Variants in CNTN4 observed in about 807,000 individuals in gnomAD.
The protein encoded by CNTN4 is contactin 4.
CNTN4 carries 77 observed loss-of-function variants against 122.5 expected under a neutral mutation model. That is an observed-to-expected ratio of 0.63 (90% CI 0.52 to 0.76). CNTN4 has a LOEUF of 0.76. Ranked by LOEUF, CNTN4 falls within the 30% of genes least tolerant of loss-of-function variation. The pLI, the probability that CNTN4 is intolerant of heterozygous loss-of-function variation, is 0.00. For synonymous variants in CNTN4, 512 were observed against 447.0 expected, an observed-to-expected ratio of 1.15 and a Z score of -1.83; for missense variants, 1,256 against 1,259.1, an observed-to-expected ratio of 1.00 and a Z score of 0.04.
intron 4 of CNTN4, among the ~76,000 whole-genome samples, chr3:2,573,214 T>C (rs1328186884): frequency 1.3e-5 from 2 of 152,220 alleles, no homozygotes; most frequent in African/African-American, 4.8e-5. Context: ...TTGTTTTCAT[T>C]CTTCCTATGT....
chr3:2,408,425 G>T (rs2151015732), intron 3 of CNTN4, among the ~76,000 whole-genome samples: 1 of 152,210 alleles, frequency 6.6e-6, no homozygotes, highest in Non-Finnish European at 1.5e-5. Flanking sequence ...AGTGGTAAGA[G>T]GTACAATTTA....
At chr3:2,330,605 T>C (rs1292095434) in intron 2 of CNTN4, among the ~76,000 whole-genome samples, 1 of 41,024 alleles carries the variant, frequency 2.4e-5, no homozygotes, top group Non-Finnish European at 8.2e-5. Flanking sequence ...ATCTTAATTT[T>C]ATAAGGGAGG....
intron 3 of CNTN4, among the ~76,000 whole-genome samples, chr3:2,496,480 T>C (rs2151708612): frequency 6.6e-6 from 1 of 152,236 alleles, no homozygotes; most frequent in East Asian, 1.9e-4. Context: ...AAATATGACA[T>C]AGATTTGTTG....
chr3:3,031,552 T>A (rs1699163354), intron 16 of CNTN4, among the ~76,000 whole-genome samples: 1 of 150,038 alleles, frequency 6.7e-6, no homozygotes. Flanking sequence ...TTGAATATTA[T>A]CAGCATGACC....
chr3:2,674,573 A>G (rs1473296181), intron 4 of CNTN4, among the ~76,000 whole-genome samples: 1 of 152,196 alleles, frequency 6.6e-6, no homozygotes, highest in Non-Finnish European at 1.5e-5. Flanking sequence ...CCTAGCCAAC[A>G]TGGTGAAATC....
chr3:2,516,475 C>T (rs2077042452), intron 3 of CNTN4, among the ~76,000 whole-genome samples: 1 of 151,864 alleles, frequency 6.6e-6, no homozygotes, highest in South Asian at 2.1e-4. Context: ...TAATCTAGTA[C>T]CTCTGTTGAC....
At chr3:2,625,751 T>G (rs1476530160) in intron 4 of CNTN4, among the ~76,000 whole-genome samples, 3 of 152,250 alleles carry the variant, frequency 2.0e-5, no homozygotes, top group Admixed American at 1.3e-4. Context: ...ATCCTCTCTT[T>G]TTTTGCTATT....
intron 3 of CNTN4, among the ~76,000 whole-genome samples, chr3:2,381,279 TA>T (rs2046012351): frequency 6.6e-6 from 1 of 152,220 alleles, no homozygotes; most frequent in African/African-American, 2.4e-5. Flanking sequence ...GTGCTGGGAT[TA>T]CAGGCGTGAG....
intron 6 of CNTN4, among the ~76,000 whole-genome samples, chr3:2,792,003 A>G (rs970824): frequency 6.6e-6 from 1 of 152,150 alleles, no homozygotes; most frequent in Non-Finnish European, 1.5e-5. Flanking sequence ...AGATGGGTTG[A>G]TAGGTGCAGC....
rs139672896 is a variant in CNTN4, at chr3:2,558,354, C to A, written c.-88-13062C>A. On this transcript the variant is annotated intron_variant, in intron 3 of 24. Transcript: ENST00000418658. The stretch of plus-strand genomic sequence containing the variant: ...GCATTGTTTATAGCATTCATTTCTT[C>A]TTACTCTTCTTGAGTCTGTGCCAGT... 2.2e-3 allele frequency among the ~76,000 whole-genome samples: 338 copies of A among 152,284 alleles called. 2 individuals carry two copies. Among genetic ancestry groups the A allele is most frequent in the African/African-American group, 7.7e-3 (318 of 41,556 alleles).
In CNTN4 at chr3:2,881,384, G is replaced by A. The variant is rs149869825; in HGVS notation, c.653-1761G>A. Among the ~76,000 whole-genome samples, 22 of 152,202 alleles carry A rather than the reference G, an allele frequency of 1.4e-4. No individual in the cohort carries two copies. The East Asian group carries it at 2.1e-3, about 15-fold the overall frequency. On this transcript the variant is annotated intron_variant, in intron 8 of 24. Transcript: ENST00000418658. ...AAAAAGTAGCCATGCATGGTGGCACGTGCCTGTAGTCCCAGCTACTTGGGA... is the reference window on the plus strand; with the variant it reads ...AAAAAGTAGCCATGCATGGTGGCACATGCCTGTAGTCCCAGCTACTTGGGA...
At chr3:2,402,521 C>T (rs79215776) in intron 3 of CNTN4, among the ~76,000 whole-genome samples, 103 of 152,168 alleles carry the variant, frequency 6.8e-4, no homozygotes, top group African/African-American at 2.4e-3. Context: ...TATTCATCAC[C>T]TCAATTTCCT....
chr3:2,141,902 G>A (rs2035014787), intron 2 of CNTN4, among the ~76,000 whole-genome samples: 1 of 152,138 alleles, frequency 6.6e-6, no homozygotes, highest in Admixed American at 6.5e-5. Context: ...CAGTAATAAA[G>A]ATTGAAATGC....
chr3:2,710,459 T>A (rs527661925), intron 4 of CNTN4, among the ~76,000 whole-genome samples: 1 of 152,296 alleles, frequency 6.6e-6, no homozygotes, highest in Non-Finnish European at 1.5e-5. Context: ...GCAATTTCCT[T>A]TTCCTGAAAG....
At chr3:2,118,646 G>T (rs950287366) in intron 2 of CNTN4, among the ~76,000 whole-genome samples, 2 of 152,192 alleles carry the variant, frequency 1.3e-5, no homozygotes, top group East Asian at 1.9e-4. Flanking sequence ...CTACCGATAG[G>T]CTTCCAAATG....
intron 7 of CNTN4, among the ~76,000 whole-genome samples, chr3:2,839,089 G>A (rs965194712): frequency 6.6e-6 from 1 of 152,178 alleles, no homozygotes; most frequent in East Asian, 1.9e-4. Context: ...AAAAAATCTT[G>A]ACATACACCT....
intron 23 of CNTN4, among the ~76,000 whole-genome samples, chr3:3,051,916 T>C (rs902994662): frequency 6.6e-6 from 1 of 152,200 alleles, no homozygotes; most frequent in Admixed American, 6.5e-5. Context: ...AATCTCGTGC[T>C]TCTCAACGCA....
In CNTN4 at chr3:2,823,137, G is replaced by A. The variant is rs79953288; in HGVS notation, c.454+3556G>A. ...GCAGTGATTCTCTCACTGTTTTTCC[G>A]GGCTGTGTGTCACCCTAAAGCGAGA... On this transcript the variant is annotated intron_variant, in intron 7 of 24. Transcript: ENST00000418658. Among the ~76,000 whole-genome samples, 263 of 152,246 alleles carry A rather than the reference G, an allele frequency of 1.7e-3. 1 individual carries two copies. Among genetic ancestry groups the A allele is most frequent in the African/African-American group, 5.9e-3 (247 of 41,542 alleles).
At chr3:2,778,051 A>G (rs2091403331) in intron 6 of CNTN4, among the ~76,000 whole-genome samples, 3 of 150,432 alleles carry the variant, frequency 2.0e-5, no homozygotes, top group Admixed American at 2.0e-4. Flanking sequence ...CGTCTCTACT[A>G]AAAATACAAA....
Sources: allele counts gnomAD v4.1 joint callset (sites outside exome capture counted in the v4.1 genomes callset), GRCh38; gene constraint gnomAD v4.1.1; transcripts MANE v1.5; gene names NCBI Gene and HGNC (gene_info 2026-07-23, HGNC 2026-07-21).